The following CYTH4 variants were observed in gnomAD, a reference collection of about 807,000 sequenced individuals.
CYTH4 encodes the protein cytohesin 4.
Under a neutral mutation model 57.5 loss-of-function variants are expected in CYTH4, and 22 were observed. The ratio of observed to expected loss-of-function variants is 0.38; its 90% CI spans 0.27 to 0.55. The LOEUF is 0.55. Among genes scored for constraint, CYTH4 ranks in the 20% least tolerant of loss-of-function variants. The pLI, the probability that CYTH4 is intolerant of heterozygous loss-of-function variation, is 0.74. For missense variants in CYTH4, 420 were observed against 535.6 expected, an observed-to-expected ratio of 0.78 and a Z score of 2.13; for synonymous variants, 186 against 206.5, an observed-to-expected ratio of 0.90 and a Z score of 0.85.
rs1179511036 is a variant in CYTH4 at position 37,309,289 on chromosome 22, C to T, written c.774C>T (p.Phe258=). The part of the protein sequence containing the change: ...DDGNDLTHTF[F]NPDREGWLLK... Reference sequence around the variant, plus strand: ...GCAATGACCTCACTCACACCTTCTTCAATCCAGACCGGGAGGGTTGGCTGC... The same window carrying T: ...GCAATGACCTCACTCACACCTTCTTTAATCCAGACCGGGAGGGTTGGCTGC... Residue 258 remains phenylalanine, a synonymous_variant, in exon 9 of 13, where the codon TTC becomes TTT. Transcript: ENST00000248901. The T allele has an allele frequency of 6.2e-7, 1 of 1,614,118 alleles. No individual in the cohort carries two copies. Among genetic ancestry groups the T allele is most frequent in the Non-Finnish European group, 8.5e-7 (1 of 1,179,970 alleles).
At chr22:37,301,442 G>A (rs1203269523) in intron 7 of CYTH4, among the ~76,000 whole-genome samples, 1 of 152,102 alleles carries the variant, frequency 6.6e-6, no homozygotes, top group Non-Finnish European at 1.5e-5. Flanking sequence ...ACATGAAACA[G>A]CCTGGGCAGG....
chr22:37,309,787 T>C (rs1929568018), intron 9 of CYTH4, among the ~76,000 whole-genome samples: 1 of 151,970 alleles, frequency 6.6e-6, no homozygotes, highest in Non-Finnish European at 1.5e-5. Context: ...GAGGGTTAGG[T>C]GTCCCTAAAG....
rs979879605 is a variant in CYTH4 at position 37,311,214 on chromosome 22, C to A, written c.885+150C>A. On this transcript the variant is annotated intron_variant, in intron 10 of 12. Coordinates refer to ENST00000248901, the MANE Select transcript of CYTH4 (RefSeq NM_013385.5). This position sits in a 1 kb window ranked among gnomAD's most constrained non-coding sequence, Gnocchi z 4.4. ...ATGCCCATTTTACAGATGGGGAAAACGGGTACACAGAGGAGGGCCGGGCCA... is the reference window on the plus strand; with the variant it reads ...ATGCCCATTTTACAGATGGGGAAAAAGGGTACACAGAGGAGGGCCGGGCCA... The A allele has an allele frequency of 2.0e-6, 2 of 1,009,202 alleles. No homozygotes were observed. Among genetic ancestry groups the A allele is most frequent in the African/African-American group, 1.6e-5 (1 of 62,578 alleles). 62.5% of individuals were successfully genotyped at this position (1,009,202 alleles called of 1,614,324 possible).
chr22:37,299,352 C>G (rs776357054), intron 6 of CYTH4, 46 bp downstream of exon 6: 4 of 1,545,078 alleles, frequency 2.6e-6, no homozygotes, highest in East Asian at 4.5e-5. Flanking sequence ...GGTGGCACAG[C>G]CCCAGTGGCT....
rs1038677188 is a variant in CYTH4, at chr22:37,295,710, G to C, written c.168-289G>C. 6.6e-6 allele frequency among the ~76,000 whole-genome samples: 1 copy of C among 152,148 alleles called. No homozygotes were observed. The highest frequency in any genetic ancestry group is 6.5e-5 in the Admixed American group (1 of 15,274). On this transcript the variant is annotated intron_variant, in intron 3 of 12. Coordinates refer to ENST00000248901, the MANE Select transcript of CYTH4 (RefSeq NM_013385.5). This position sits in a 1 kb window ranked among gnomAD's most constrained non-coding sequence, Gnocchi z 4.1. Reference sequence around the variant, plus strand: ...GTGCTCAGCCCTCGCCCCCTCCCCCGGTTTCTTGCACAGGGCCCCTCCACC... The same window carrying C: ...GTGCTCAGCCCTCGCCCCCTCCCCCCGTTTCTTGCACAGGGCCCCTCCACC...
chr22:37,312,951 G>T (rs1405488388), intron 12 of CYTH4, among the ~76,000 whole-genome samples: 1 of 152,252 alleles, frequency 6.6e-6, no homozygotes, highest in Admixed American at 6.5e-5. Context: ...GGACTTGCAG[G>T]GTCTTTTCCC....
At position 37,311,100 on chromosome 22, in the gene CYTH4, G is replaced by C; in HGVS notation, c.885+36G>C. ...TTCTCCTGGGCCTTCCCCTGCCCCC[G>C]CCTCTCCCCGCACAACCCACTTCCC... On this transcript the variant is annotated intron_variant, in intron 10 of 12. Coordinates refer to ENST00000248901, the MANE Select transcript of CYTH4 (RefSeq NM_013385.5). This position sits in a 1 kb window ranked among gnomAD's most constrained non-coding sequence, Gnocchi z 4.4. 1 of 1,606,968 alleles carries C rather than the reference G, an allele frequency of 6.2e-7. No individual in the cohort carries two copies. The highest frequency in any genetic ancestry group is 8.5e-7 in the Non-Finnish European group (1 of 1,173,888).
intron 4 of CYTH4, chr22:37,296,301 G>T (rs1928966068): frequency 1.8e-6 from 1 of 568,266 alleles, no homozygotes; most frequent in Non-Finnish European, 3.1e-6. Flanking sequence ...GGAGGCCACG[G>T]TGTCCATGCA....
Position 37,297,622 on chromosome 22 carries a change from G to A in CYTH4, c.293G>A (p.Arg98Gln), listed in dbSNP as rs147184717. Reference sequence around the variant, plus strand: ...ACCCCTGACGTCCAGGACATTGCACGGTTCCTGTATAAAGGCGAGGGCCTC... The same window carrying A: ...ACCCCTGACGTCCAGGACATTGCACAGTTCCTGTATAAAGGCGAGGGCCTC... ...LLTPDVQDIA[R>Q]FLYKGEGLNK... is the part of the protein sequence containing the mutation. The change falls in exon 5 of 13, where the codon CGG becomes CAG. Residue 98 changes from arginine (R) to glutamine (Q), a missense_variant. Arg to Gln is a conservative substitution (Grantham distance 43). Coordinates refer to ENST00000248901, the MANE Select transcript of CYTH4 (RefSeq NM_013385.5). 67 of 1,613,858 alleles carry A rather than the reference G, an allele frequency of 4.2e-5. No individual in the cohort carries two copies. Among genetic ancestry groups the A allele is most frequent in the African/African-American group, 6.7e-5 (5 of 74,908 alleles).
In CYTH4 at chr22:37,314,421, A is replaced by T. The variant is rs1929778510; in HGVS notation, c.*910A>T. On this transcript the variant is annotated 3_prime_UTR_variant, in exon 13 of 13. Transcript: ENST00000248901. ...GGGACTCAAGCAGGATGGGTGCTATATCCAAGAAGCCAAGAAGGGAGAGTT... is the reference window on the plus strand; with the variant it reads ...GGGACTCAAGCAGGATGGGTGCTATTTCCAAGAAGCCAAGAAGGGAGAGTT... 2.5e-6 allele frequency: 1 copy of T among 398,594 alleles called. No individual in the cohort carries two copies. The highest frequency in any genetic ancestry group is 1.3e-4 in the South Asian group (1 of 7,866). The allele number at this position is 398,594 out of a possible 1,614,324, so 24.7% of individuals were successfully genotyped here. A position where few individuals can be genotyped will look rare whatever the true frequency, so the allele number is the denominator to read the frequency against.
chr22:37,299,952 C>T, intron 6 of CYTH4: 1 of 675,702 alleles, frequency 1.5e-6, no homozygotes, highest in Non-Finnish European at 2.7e-6. Context: ...GATCACACCA[C>T]TGCACTCCAG....
At chr22:37,287,774 G>A (rs1028706707) in intron 1 of CYTH4, among the ~76,000 whole-genome samples, 23 of 152,206 alleles carry the variant, frequency 1.5e-4, no homozygotes, top group African/African-American at 5.3e-4. Flanking sequence ...GACCTGGGGC[G>A]AGTCACTTCG....
At chr22:37,294,750 A>T (rs572179950) in intron 3 of CYTH4, 26 bp downstream of exon 3, 1 of 1,613,446 alleles carries the variant, frequency 6.2e-7, no homozygotes, top group South Asian at 1.1e-5. Flanking sequence ...GGGGACCCCC[A>T]GAAACTGCCA....
Position 37,298,382 on chromosome 22 carries a change from A to T in CYTH4, c.353+700A>T, listed in dbSNP as rs1451315587. 1.2e-5 allele frequency: 2 copies of T among 163,684 alleles called. No homozygotes were observed. The highest frequency in any genetic ancestry group is 4.8e-5 in the African/African-American group (2 of 41,588). 10.1% of individuals were successfully genotyped at this position (163,684 alleles called of 1,614,324 possible). ...AACGAGACTCCGTCTCAAAAAAAAAAAGAAAAGAAAAGAAAACAAAGAAAG... is the reference window on the plus strand; with the variant it reads ...AACGAGACTCCGTCTCAAAAAAAAATAGAAAAGAAAAGAAAACAAAGAAAG... On this transcript the variant is annotated intron_variant, in intron 5 of 12. Coordinates refer to ENST00000248901, the MANE Select transcript of CYTH4 (RefSeq NM_013385.5). The surrounding 1 kb of genome is among the most constrained non-coding windows in gnomAD (Gnocchi z 4.1).
chr22:37,306,766 A>T (rs1048855629), intron 8 of CYTH4, among the ~76,000 whole-genome samples: 1 of 152,116 alleles, frequency 6.6e-6, no homozygotes, highest in Non-Finnish European at 1.5e-5. Context: ...TTATCTCTTA[A>T]ACCAGCTCTG....
rs1377938220 is a variant in CYTH4, at chr22:37,298,950, T to C, written c.354-276T>C. Among the ~76,000 whole-genome samples, 1 of 152,074 alleles carries C rather than the reference T, an allele frequency of 6.6e-6. No individual in the cohort carries two copies. The highest frequency in any genetic ancestry group is 2.4e-5 in the African/African-American group (1 of 41,396). On this transcript the variant is annotated intron_variant, in intron 5 of 12. Coordinates refer to ENST00000248901, the MANE Select transcript of CYTH4 (RefSeq NM_013385.5). The surrounding 1 kb of genome is among the most constrained non-coding windows in gnomAD (Gnocchi z 4.1). ...GAAGTTACAGGAAATGAGGAAGGCC[T>C]GGACTGAGGGCAAGGCCGCTCCAAA...
chr22:37,297,023 T>A (rs1928997349), intron 4 of CYTH4, among the ~76,000 whole-genome samples: 1 of 152,170 alleles, frequency 6.6e-6, no homozygotes, highest in Non-Finnish European at 1.5e-5. Context: ...GTGACAGGCA[T>A]GGTCTGAGCC....
intron 5 of CYTH4, 144 bp from the exon 6 acceptor site, chr22:37,299,082 A>G: frequency 1.5e-6 from 1 of 662,246 alleles, no homozygotes; most frequent in Non-Finnish European, 2.8e-6. Context: ...TGGGTGGGAC[A>G]GATGTGAACA....
intron 2 of CYTH4, among the ~76,000 whole-genome samples, chr22:37,293,744 G>C (rs1235307023): frequency 6.6e-6 from 1 of 152,148 alleles, no homozygotes; most frequent in Non-Finnish European, 1.5e-5. Flanking sequence ...GTGTCCTTCA[G>C]GGGGTGCTGG....
Sources: gnomAD v4.1 joint callset for allele counts (sites outside exome capture counted in the v4.1 genomes callset) on GRCh38, gnomAD v4.1.1 for gene constraint, Gnocchi (gnomAD v3.1) non-coding constraint, MANE v1.5 for transcripts, NCBI Gene and HGNC (gene_info 2026-07-23, HGNC 2026-07-21) for gene names.